The following SCAF11 variants were observed in gnomAD, a reference collection of about 807,000 sequenced individuals.
SCAF11 encodes the protein protein SCAF11.
SCAF11 carries 47 observed loss-of-function variants against 140.5 expected under a neutral mutation model. The ratio of observed to expected loss-of-function variants is 0.33; its 90% CI spans 0.26 to 0.43. The LOEUF (loss-of-function observed/expected upper bound fraction) is 0.43. SCAF11 is among the 20% of genes least tolerant of loss of function. The probability of loss-of-function intolerance (pLI) is 1.00; values close to 1 mark genes in which losing one functional copy is unlikely to be tolerated. For synonymous variants in SCAF11, 557 were observed against 579.4 expected (o/e 0.96, Z 0.55); for missense variants, 1,645 against 1,705.1 (o/e 0.96, Z 0.62).
chr12:45,928,895 T>A, intron 10 of SCAF11, 36 bp from the exon 11 acceptor site: 1 of 1,215,400 alleles, frequency 8.2e-7, no homozygotes, highest in Non-Finnish European at 1.1e-6. Flanking sequence ...AAGTAAAAAA[T>A]ATGTTTTAAG....
intron 1 of SCAF11, among the ~76,000 whole-genome samples, chr12:45,988,821 G>A (rs1414295462): frequency 1.3e-5 from 2 of 152,144 alleles, no homozygotes; most frequent in South Asian, 2.1e-4. Flanking sequence ...CTGAATGACT[G>A]TTAAAATATC....
At chr12:45,947,487 G>A (rs1031384299) in intron 5 of SCAF11, among the ~76,000 whole-genome samples, 1 of 152,206 alleles carries the variant, frequency 6.6e-6, no homozygotes, top group Non-Finnish European at 1.5e-5. Context: ...AAAGCAGTAC[G>A]TGAAGGTTAA....
intron 14 of SCAF11, 22 bp from the exon 15 acceptor site, chr12:45,922,216 G>A (rs911060635): frequency 5.7e-6 from 9 of 1,582,372 alleles, no homozygotes; most frequent in South Asian, 1.2e-5. Context: ...GGGGTGGGGG[G>A]TAAACTTTTT....
intron 6 of SCAF11, among the ~76,000 whole-genome samples, chr12:45,940,053 T>G (rs990800969): frequency 9.9e-5 from 15 of 152,200 alleles, no homozygotes; most frequent in African/African-American, 3.6e-4. Flanking sequence ...TTGCAATAAT[T>G]CCAAGTTACA....
chr12:45,978,050 C>T (rs76367617), intron 1 of SCAF11, among the ~76,000 whole-genome samples: 2,354 of 152,232 alleles, frequency 0.015, 68 homozygotes, highest in African/African-American at 0.054. Context: ...ATATTTACAA[C>T]GCAGTACTTT....
rs1012622395 is a variant in SCAF11 at position 45,932,878 on chromosome 12, G to A, written c.734+253C>T. On this transcript the variant is annotated intron_variant, in intron 9 of 14. Transcript: ENST00000369367. ...ACTAACAATAAATCTTAATATTCGG[G>A]TTCTCTCCCTTTTAAATAAATCTAG... 3.9e-5 allele frequency among the ~76,000 whole-genome samples: 6 copies of A among 152,030 alleles called. No homozygotes were observed. The South Asian group carries it at 8.3e-4, about 21-fold the overall frequency.
At chr12:45,923,670 AT>A in intron 12 of SCAF11, among the ~76,000 whole-genome samples, 1 of 151,962 alleles carries the variant, frequency 6.6e-6, no homozygotes, top group East Asian at 1.9e-4. Flanking sequence ...TATTTATTTT[AT>A]TTTATTTTAA....
At chr12:45,930,580 C>A (rs1945019979) in intron 10 of SCAF11, among the ~76,000 whole-genome samples, 1 of 151,180 alleles carries the variant, frequency 6.6e-6, no homozygotes, top group Non-Finnish European at 1.5e-5. Context: ...ACCAGAATAG[C>A]AACAGGTGGC....
chr12:45,961,471 T>C, intron 3 of SCAF11: 1 of 581,728 alleles, frequency 1.7e-6, no homozygotes, highest in Non-Finnish European at 3.1e-6. Flanking sequence ...TATAAGGTTA[T>C]TAACTTTTTT....
chr12:45,965,053 G>T (rs1945913020), intron 1 of SCAF11, among the ~76,000 whole-genome samples: 1 of 152,046 alleles, frequency 6.6e-6, no homozygotes, highest in South Asian at 2.1e-4. Flanking sequence ...GAGGTAATAA[G>T]AAATAAGCAG....
chr12:45,928,780 G>A lies in SCAF11; in HGVS notation c.921C>T (p.Thr307=). Residue 307 remains threonine, a synonymous_variant, in exon 11 of 15, where the codon ACC becomes ACT. Coordinates refer to ENST00000369367, the MANE Select transcript of SCAF11 (RefSeq NM_004719.3). The part of the protein sequence containing the change: ...EKKQTSGTSN[T]RGSRRKPAMT... ...TTGCAGGTTTTCGTCTTGATCCTCTGGTATTTGATGTACCAGAAGTTTGCT... is the reference window on the plus strand; with the variant it reads ...TTGCAGGTTTTCGTCTTGATCCTCTAGTATTTGATGTACCAGAAGTTTGCT... 3.1e-6 allele frequency: 5 copies of A among 1,613,238 alleles called. No homozygotes were observed. Among genetic ancestry groups the A allele is most frequent in the Non-Finnish European group, 4.2e-6 (5 of 1,179,928 alleles).
At chr12:45,976,652 G>A (rs1037608908) in intron 1 of SCAF11, among the ~76,000 whole-genome samples, 1 of 152,052 alleles carries the variant, frequency 6.6e-6, no homozygotes, top group Non-Finnish European at 1.5e-5. Context: ...AACAAAAACA[G>A]AGGGAACAAA....
At chr12:45,969,206 G>T (rs1018958007) in intron 1 of SCAF11, among the ~76,000 whole-genome samples, 6 of 152,220 alleles carry the variant, frequency 3.9e-5, no homozygotes, top group Non-Finnish European at 7.3e-5. Context: ...TGCTAAGAAT[G>T]TACATTCCAT....
At chr12:45,946,467 A>T (rs1945425657) in intron 5 of SCAF11, among the ~76,000 whole-genome samples, 1 of 152,238 alleles carries the variant, frequency 6.6e-6, no homozygotes, top group South Asian at 2.1e-4. Context: ...GCAAAGGCAA[A>T]TTATTAATTT....
intron 1 of SCAF11, among the ~76,000 whole-genome samples, chr12:45,978,336 A>G (rs1420439547): frequency 6.6e-6 from 1 of 152,204 alleles, no homozygotes; most frequent in Admixed American, 6.5e-5. Context: ...GTACAATGAC[A>G]TAACTAATTT....
At chr12:45,974,128 T>C (rs1186646265) in intron 1 of SCAF11, 1 of 467,948 alleles carries the variant, frequency 2.1e-6, no homozygotes, top group Non-Finnish European at 4.4e-6. Context: ...TATTATACTG[T>C]AGTCCATGAA....
At chr12:45,955,492 CTT>C (rs1945666093) in intron 3 of SCAF11, 1 of 152,446 alleles carries the variant, frequency 6.6e-6, no homozygotes, top group Admixed American at 6.5e-5. Context: ...ATGCCTCACT[CTT>C]ATATCCAGCA....
chr12:45,979,168 C>A (rs1258330160), intron 1 of SCAF11, among the ~76,000 whole-genome samples: 1 of 146,500 alleles, frequency 6.8e-6, no homozygotes, highest in African/African-American at 2.5e-5. Context: ...TTCTCTCCAG[C>A]CCTTATAGAA....
chr12:45,965,466 A>G (rs1424745223), intron 1 of SCAF11, among the ~76,000 whole-genome samples: 1 of 152,154 alleles, frequency 6.6e-6, no homozygotes, highest in East Asian at 1.9e-4. Context: ...TTCATACAGT[A>G]ACATTTTATT....
Sources: gnomAD v4.1 joint callset for allele counts (sites outside exome capture counted in the v4.1 genomes callset) on GRCh38, gnomAD v4.1.1 for gene constraint, MANE v1.5 for transcripts, NCBI Gene and HGNC (gene_info 2026-07-23, HGNC 2026-07-21) for gene names.